The following WRAP73 variants were observed in gnomAD, a reference collection of about 807,000 sequenced individuals.
WRAP73 encodes WD repeat-containing protein WRAP73.
In WRAP73, 55 loss-of-function variants were observed where a neutral mutation model predicts 59.6. The ratio of observed to expected loss-of-function variants is 0.92; its 90% confidence interval spans 0.74 to 1.15. The LOEUF is 1.15. Ranked by LOEUF, WRAP73 falls within the 50% of genes most tolerant of loss-of-function variation. The probability of loss-of-function intolerance (pLI) is 0.00; values close to 1 mark genes in which losing one functional copy is unlikely to be tolerated. For missense variants in WRAP73, 592 were observed against 608.1 expected, an observed-to-expected ratio of 0.97 and a Z score of 0.28; for synonymous variants, 265 against 258.2, an observed-to-expected ratio of 1.03 and a Z score of -0.25.
Position 3,650,060 on chromosome 1 carries a change from C to T in WRAP73, c.-61G>A, listed in dbSNP as rs531523915. Reference sequence around the variant, plus strand: ...AAAACCCGCGGGACCCCTGGGCGCGCAGCAGGCTGCAACAGCCGACGCCGG... The same window carrying T: ...AAAACCCGCGGGACCCCTGGGCGCGTAGCAGGCTGCAACAGCCGACGCCGG... On this transcript the variant is annotated 5_prime_UTR_variant, in exon 1 of 12. Transcript: ENST00000270708. 6.8e-7 allele frequency: 1 copy of T among 1,476,682 alleles called. No individual in the cohort carries two copies. 91.5% of individuals were successfully genotyped at this position (1,476,682 alleles called of 1,614,324 possible).
At chr1:3,642,393 G>C (rs114041865) in intron 3 of WRAP73, among the ~76,000 whole-genome samples, 1 of 152,166 alleles carries the variant, frequency 6.6e-6, no homozygotes, top group Non-Finnish European at 1.5e-5. Context: ...GATCCTGCAG[G>C]TATAATGGAA....
chr1:3,641,353 AG>A (rs1272954843), intron 3 of WRAP73, among the ~76,000 whole-genome samples: 4 of 152,104 alleles, frequency 2.6e-5, no homozygotes, highest in African/African-American at 9.7e-5. Flanking sequence ...TCAAGACGGG[AG>A]GAACAGGCCA....
At position 3,650,058 on chromosome 1, in the gene WRAP73, C is replaced by A. The variant is rs1644727025; in HGVS notation, c.-59G>T. ...CGAAAACCCGCGGGACCCCTGGGCGCGCAGCAGGCTGCAACAGCCGACGCC... is the reference window on the plus strand; with the variant it reads ...CGAAAACCCGCGGGACCCCTGGGCGAGCAGCAGGCTGCAACAGCCGACGCC... On this transcript the variant is annotated 5_prime_UTR_variant, in exon 1 of 12. Transcript: ENST00000270708. 1 of 1,485,830 alleles carries A rather than the reference C, an allele frequency of 6.7e-7. No individual in the cohort carries two copies. Among genetic ancestry groups the A allele is most frequent in the Non-Finnish European group, 9.0e-7 (1 of 1,108,522 alleles). 92.0% of individuals were successfully genotyped at this position (1,485,830 alleles called of 1,614,324 possible).
Position 3,631,486 on chromosome 1 carries a change from G to A in WRAP73, c.1220C>T (p.Ser407Leu), listed in dbSNP as rs76211155. 8,290 of 1,604,262 alleles carry A rather than the reference G, an allele frequency of 5.2e-3. 272 individuals carry two copies. In the African/African-American group the frequency reaches 0.075, roughly 15 times the overall value. The stretch of plus-strand genomic sequence containing the variant: ...CTTACCTTCCCCAGGCACCTGCACC[G>A]ACATGCAGCCCGCTGGGGACCACAG... ...LYLWSPAGCM[S>L]VQVPGEGDFA... Residue 407 changes from serine (S) to leucine (L), a missense_variant, in exon 11 of 12, where the codon TCG (serine) becomes TTG (leucine). Physicochemically the swap from Ser to Leu is moderately radical, Grantham distance 145 (BLOSUM62 -2). Coordinates refer to ENST00000270708, the MANE Select transcript of WRAP73 (RefSeq NM_017818.4).
Position 3,638,749 on chromosome 1 carries a change from C to G in WRAP73, c.412+1G>C, listed in dbSNP as rs1226917639. ...CTTTTGCGTGGCTCCGATCGACTCA[C>G]CCTGCAGACAAGCTTTCGGGTATTT... On this transcript the variant is annotated splice_donor_variant, in intron 4 of 11. Transcript: ENST00000270708. LOFTEE classifies it high-confidence loss of function. 6.2e-7 allele frequency: 1 copy of G among 1,614,108 alleles called. No homozygotes were observed.
Position 3,646,703 on chromosome 1 carries a change from G to A in WRAP73, c.302C>T (p.Pro101Leu), listed in dbSNP as rs377193131. The change falls in exon 3 of 12, where the codon CCG (proline) becomes CTG (leucine). Residue 101 changes from proline to leucine, a missense_variant. By Grantham distance (98) the Pro-to-Leu change is moderately conservative. Coordinates refer to ENST00000270708, the MANE Select transcript of WRAP73 (RefSeq NM_017818.4). The surrounding 1 kb of genome is among the most constrained non-coding windows in gnomAD (Gnocchi z 5.1). The stretch of plus-strand genomic sequence containing the variant: ...GGTGTTGAGAATGTGGCGCCCGTCC[G>A]GGCTCCAGCACGAGGCCACCAGCCC... Reference protein sequence around the residue: ...SAGLVASCWSPDGRHILNTTE... With the variant: ...SAGLVASCWSLDGRHILNTTE... The A allele has an allele frequency of 1.5e-5, 24 of 1,607,028 alleles. No homozygotes were observed. The highest frequency in any genetic ancestry group is 2.7e-5 in the African/African-American group (2 of 74,702).
chr1:3,644,964 C>T (rs764355322), intron 3 of WRAP73, among the ~76,000 whole-genome samples: 102 of 152,306 alleles, frequency 6.7e-4, no homozygotes, highest in Non-Finnish European at 1.2e-3. Context: ...GACACGGCTG[C>T]GTGAAAAGCT....
intron 5 of WRAP73, 22 bp downstream of exon 5, chr1:3,636,973 T>C: frequency 1.2e-6 from 2 of 1,610,980 alleles, no homozygotes; most frequent in Non-Finnish European, 1.7e-6. Flanking sequence ...ACAACTTTAT[T>C]CCAGTCTGGG....
At chr1:3,636,170 T>C (rs1644587690) in intron 5 of WRAP73, 140 bp from the exon 6 acceptor site, 5 of 668,242 alleles carry the variant, frequency 7.5e-6, no homozygotes, top group Non-Finnish European at 1.3e-5. Flanking sequence ...ATCCTGGAAA[T>C]GCATGAAATC....
intron 5 of WRAP73, 23 bp from the exon 6 acceptor site, chr1:3,636,053 CAT>C: frequency 5.7e-6 from 9 of 1,581,552 alleles, no homozygotes; most frequent in Non-Finnish European, 7.8e-6. Flanking sequence ...GGGGGGGAAA[CAT>C]TAAATTTGGA....
intron 3 of WRAP73, among the ~76,000 whole-genome samples, chr1:3,643,287 T>A (rs1644663662): frequency 6.6e-6 from 1 of 152,168 alleles, no homozygotes; most frequent in African/African-American, 2.4e-5. Context: ...ATCTGTACAG[T>A]GAGACTCAAG....
At chr1:3,632,051 C>G in intron 10 of WRAP73, 162 bp downstream of exon 10, 1 of 1,491,880 alleles carries the variant, frequency 6.7e-7, no homozygotes, top group Non-Finnish European at 8.8e-7. Context: ...AAAGGCCCAG[C>G]GCCTCCAAGG....
At chr1:3,642,030 A>C (rs371578547) in intron 3 of WRAP73, among the ~76,000 whole-genome samples, 99 of 152,372 alleles carry the variant, frequency 6.5e-4, no homozygotes, top group African/African-American at 2.3e-3. Context: ...TTCACTAGGA[A>C]ATCTGTTTAC....
In WRAP73 at chr1:3,635,223, G is replaced by A. The variant is rs780568327; in HGVS notation, c.675C>T (p.Gly225=). 2 of 1,613,940 alleles carry A rather than the reference G, an allele frequency of 1.2e-6. No homozygotes were observed. The highest frequency in any genetic ancestry group is 4.5e-5 in the East Asian group (2 of 44,894). ...TGGGGCTCCAGGCCACAGACTTGAT[G>A]CCCAGGGACCACTCGTAAGCGCTGT... ...STYSAYEWSL[G]IKSVAWSPSS... is the part of the protein sequence containing the mutation. Residue 225 remains glycine, a synonymous_variant, in exon 7 of 12, where the codon GGC becomes GGT. Transcript: ENST00000270708.
In WRAP73 at chr1:3,638,947, C is replaced by G; in HGVS notation, c.340-125G>C. The G allele has an allele frequency of 4.2e-6, 4 of 947,054 alleles. No individual in the cohort carries two copies. In the South Asian group the frequency reaches 6.2e-5, roughly 15 times the overall value. 58.7% of individuals were successfully genotyped at this position (947,054 alleles called of 1,614,324 possible). A position where few individuals can be genotyped will look rare whatever the true frequency, so the allele number is the denominator to read the frequency against. On this transcript the variant is annotated intron_variant, in intron 3 of 11. Transcript: ENST00000270708. ...GACTGCTGGAGTGGATCTATCAGGA[C>G]CTGGGGGATGCCTGCCCTCCTACCG... is the stretch of plus-strand genomic sequence containing the variant.
intron 2 of WRAP73, among the ~76,000 whole-genome samples, chr1:3,647,001 G>A (rs1644698694): frequency 6.6e-6 from 1 of 152,208 alleles, no homozygotes. Flanking sequence ...ATGAAGGGCT[G>A]GTGCTGGATT....
At chr1:3,645,377 T>G (rs1644679423) in intron 3 of WRAP73, among the ~76,000 whole-genome samples, 1 of 101,242 alleles carries the variant, frequency 9.9e-6, no homozygotes. Flanking sequence ...CCCCGTGGTG[T>G]GCGTGGCGCA....
chr1:3,636,120 A>C lies in WRAP73; in HGVS notation c.517-90T>G, dbSNP rs1435573948. 4 of 941,664 alleles carry C rather than the reference A, an allele frequency of 4.2e-6. No individual in the cohort carries two copies. In the Admixed American group the frequency reaches 8.1e-5, roughly 19 times the overall value. The allele number at this position is 941,664 out of a possible 1,614,324, so 58.3% of individuals were successfully genotyped here. The stretch of plus-strand genomic sequence containing the variant: ...TATGACTGATGTTCTTAACGCACTT[A>C]ATTTCCTTATATAGAAATTGACAAA... On this transcript the variant is annotated intron_variant, in intron 5 of 11. Coordinates refer to ENST00000270708, the MANE Select transcript of WRAP73 (RefSeq NM_017818.4).
intron 9 of WRAP73, chr1:3,632,781 G>A (rs1305797020): frequency 3.9e-6 from 1 of 258,454 alleles, no homozygotes; most frequent in Non-Finnish European, 7.6e-6. Context: ...TGTGGAACAA[G>A]GACGCCCCTG....
Sources: gnomAD v4.1 joint callset for allele counts (sites outside exome capture counted in the v4.1 genomes callset) on GRCh38, gnomAD v4.1.1 for gene constraint, Gnocchi (gnomAD v3.1) non-coding constraint, MANE v1.5 for transcripts, NCBI Gene and HGNC (gene_info 2026-07-23, HGNC 2026-07-21) for gene names.